Variants in RCSD1 observed in about 807,000 individuals in gnomAD.
RCSD1 encodes RCSD domain containing 1.
A neutral mutation model predicts 42.5 loss-of-function variants in RCSD1; 26 were observed. The ratio of observed to expected loss-of-function variants is 0.61; its 90% confidence interval spans 0.45 to 0.85. RCSD1 has a LOEUF of 0.85. RCSD1 is among the 40% of genes least tolerant of loss of function. RCSD1 has a pLI of 0.00. For synonymous variants in RCSD1, 220 were observed against 212.2 expected (o/e 1.04, Z -0.32); for missense variants, 571 against 528.3 (o/e 1.08, Z -0.79).
At chr1:167,634,045 C>T (rs78121538) in intron 1 of RCSD1, among the ~76,000 whole-genome samples, 60 of 152,278 alleles carry the variant, frequency 3.9e-4, no homozygotes, top group Middle Eastern at 6.8e-3. Context: ...AGAATGAGCA[C>T]GGTGCCTGGC....
chr1:167,661,353 C>T lies in RCSD1; in HGVS notation c.7-22547C>T, dbSNP rs370605905. On this transcript the variant is annotated intron_variant, in intron 1 of 6. Transcript: ENST00000367854. ...CCTGGTGGAGTCCCTGGTTGAGGGC[C>T]TAGTTCTGGATCTTCCATGCCAGCC... Among the ~76,000 whole-genome samples the T allele has an allele frequency of 3.7e-4, 57 of 152,324 alleles. 1 individual carries two copies. The highest frequency in any genetic ancestry group is 1.4e-3 in the African/African-American group (57 of 41,578).
chr1:167,698,690 C>A (rs61808920), intron 6 of RCSD1, among the ~76,000 whole-genome samples: 4,341 of 152,284 alleles, frequency 0.029, 88 homozygotes, highest in South Asian at 0.066. Context: ...TTGTTTCACC[C>A]GTCGCTTTTG....
intron 1 of RCSD1, chr1:167,663,745 C>A (rs887885338): frequency 6.6e-6 from 1 of 152,290 alleles, no homozygotes; most frequent in Non-Finnish European, 1.5e-5. Flanking sequence ...AAACTGGCAA[C>A]AGCCTGGTAT....
intron 1 of RCSD1, among the ~76,000 whole-genome samples, chr1:167,669,006 T>C (rs1658728376): frequency 6.6e-6 from 1 of 152,272 alleles, no homozygotes; most frequent in African/African-American, 2.4e-5. Flanking sequence ...TGTGTTCTTC[T>C]GAATCCCTTT....
At chr1:167,669,718 G>A (rs1239550856) in intron 1 of RCSD1, among the ~76,000 whole-genome samples, 1 of 152,152 alleles carries the variant, frequency 6.6e-6, no homozygotes, top group East Asian at 1.9e-4. Context: ...GCAAAAATTT[G>A]TCTTGACTGA....
intron 1 of RCSD1, among the ~76,000 whole-genome samples, chr1:167,682,464 G>C (rs567855103): frequency 6.6e-6 from 1 of 152,096 alleles, no homozygotes; most frequent in African/African-American, 2.4e-5. Context: ...CACCATGTCC[G>C]GCCTGTCAAA....
At chr1:167,686,248 G>C (rs920824509) in intron 3 of RCSD1, among the ~76,000 whole-genome samples, 2 of 152,122 alleles carry the variant, frequency 1.3e-5, no homozygotes, top group Admixed American at 6.6e-5. Context: ...TCACCTGGGA[G>C]GCCAACCCCA....
At chr1:167,694,645 G>A (rs112050760) in intron 5 of RCSD1, among the ~76,000 whole-genome samples, 3 of 152,108 alleles carry the variant, frequency 2.0e-5, no homozygotes, top group Non-Finnish European at 4.4e-5. Context: ...AAAGCTGAAC[G>A]CAAAAGCTAA....
At chr1:167,649,102 G>C (rs1226691212) in intron 1 of RCSD1, among the ~76,000 whole-genome samples, 1 of 152,192 alleles carries the variant, frequency 6.6e-6, no homozygotes, top group Non-Finnish European at 1.5e-5. Context: ...ATCTTGCCCA[G>C]AGTGGGGAGG....
chr1:167,654,097 C>T (rs761775472), intron 1 of RCSD1, among the ~76,000 whole-genome samples: 12 of 152,172 alleles, frequency 7.9e-5, no homozygotes, highest in Non-Finnish European at 1.6e-4. Flanking sequence ...CAAATGAGAT[C>T]ATCTTCGTTA....
chr1:167,675,042 T>C (rs1056111186), intron 1 of RCSD1, among the ~76,000 whole-genome samples: 1 of 151,584 alleles, frequency 6.6e-6, no homozygotes, highest in Non-Finnish European at 1.5e-5. Context: ...CCATCTCTAC[T>C]AAAAATACAA....
chr1:167,668,033 G>A (rs1033753390), intron 1 of RCSD1, among the ~76,000 whole-genome samples: 2 of 152,110 alleles, frequency 1.3e-5, no homozygotes, highest in Non-Finnish European at 2.9e-5. Flanking sequence ...GCTCACACCT[G>A]TAATCCCGAC....
In RCSD1 at chr1:167,705,436, C is replaced by T. The variant is rs751920722; in HGVS notation, c.*740C>T. The T allele has an allele frequency of 2.6e-5, 4 of 152,140 alleles. No individual in the cohort carries two copies. Among genetic ancestry groups the T allele is most frequent in the Non-Finnish European group, 4.4e-5 (3 of 68,018 alleles). 9.4% of individuals were successfully genotyped at this position (152,140 alleles called of 1,614,324 possible). ...TGGCTCGGCTCACTCCCTTCTCCCA[C>T]CCTTGAGAATGTGGAGAACTCCCAT... On this transcript the variant is annotated 3_prime_UTR_variant, in exon 7 of 7. Transcript: ENST00000367854.
chr1:167,680,531 G>A (rs1017906532), intron 1 of RCSD1, among the ~76,000 whole-genome samples: 2 of 151,974 alleles, frequency 1.3e-5, no homozygotes, highest in African/African-American at 2.4e-5. Flanking sequence ...GGAGTGCAGT[G>A]GTGCAGTGAT....
intron 1 of RCSD1, among the ~76,000 whole-genome samples, chr1:167,675,978 A>T (rs1658941590): frequency 1.3e-5 from 2 of 152,166 alleles, no homozygotes; most frequent in African/African-American, 2.4e-5. Context: ...AGTATTCAGG[A>T]ATGCTGCTAG....
At chr1:167,648,239 G>C (rs1658213771) in intron 1 of RCSD1, among the ~76,000 whole-genome samples, 1 of 152,144 alleles carries the variant, frequency 6.6e-6, no homozygotes, top group South Asian at 2.1e-4. Flanking sequence ...TTGGAACACA[G>C]CATTTGCTTT....
intron 1 of RCSD1, among the ~76,000 whole-genome samples, chr1:167,683,097 G>A (rs1397904011): frequency 1.3e-5 from 2 of 152,148 alleles, no homozygotes; most frequent in Non-Finnish European, 2.9e-5. Flanking sequence ...CCTCTTCAGG[G>A]AACCTGGGGG....
rs1659743947 is a variant in RCSD1, at chr1:167,705,766, C to T, written c.*1070C>T. 6.6e-6 allele frequency: 1 copy of T among 152,204 alleles called. No homozygotes were observed. The highest frequency in any genetic ancestry group is 2.4e-5 in the African/African-American group (1 of 41,452). The allele number at this position is 152,204 out of a possible 1,614,324, so 9.4% of individuals were successfully genotyped here. ...TCTTTAGTCTCTTCTTATTGGGTAG[C>T]TCTTGCTTTAATATTCTGTTTGGTG... is the stretch of plus-strand genomic sequence containing the variant. On this transcript the variant is annotated 3_prime_UTR_variant, in exon 7 of 7. Transcript: ENST00000367854.
intron 1 of RCSD1, among the ~76,000 whole-genome samples, chr1:167,652,438 A>G (rs193188208): frequency 2.0e-5 from 3 of 152,202 alleles, no homozygotes; most frequent in African/African-American, 4.8e-5. Flanking sequence ...CCGGGCCCAG[A>G]TACTTGAGTG....
Sources: allele counts gnomAD v4.1 joint callset (sites outside exome capture counted in the v4.1 genomes callset), GRCh38; gene constraint gnomAD v4.1.1; transcripts MANE v1.5; gene names NCBI Gene and HGNC (gene_info 2026-07-23, HGNC 2026-07-21).